Variants in EFCAB14 observed in about 807,000 individuals in gnomAD.
The protein encoded by EFCAB14 is EF-hand calcium binding domain 14.
EFCAB14 carries 43 observed loss-of-function variants against 56.5 expected under a neutral mutation model. That is an observed-to-expected ratio of 0.76 (90% CI 0.60 to 0.98). The LOEUF (loss-of-function observed/expected upper bound fraction) is 0.98. Ranked by LOEUF, EFCAB14 falls within the 50% of genes least tolerant of loss-of-function variation. EFCAB14 has a pLI of 0.00. For missense variants in EFCAB14, 538 were observed against 580.3 expected, an observed-to-expected ratio of 0.93 and a Z score of 0.75; for synonymous variants, 235 against 212.9, an observed-to-expected ratio of 1.10 and a Z score of -0.90.
intron 7 of EFCAB14, 112 bp from the exon 8 acceptor site, chr1:46,686,982 A>C: frequency 1.4e-4 from 133 of 945,754 alleles, no homozygotes; most frequent in East Asian, 2.9e-4. Flanking sequence ...AAAGGATCTC[A>C]GAACACTCTC....
chr1:46,698,830 G>A (rs985781924), intron 3 of EFCAB14, among the ~76,000 whole-genome samples: 6 of 152,186 alleles, frequency 3.9e-5, no homozygotes, highest in Admixed American at 2.0e-4. Flanking sequence ...TTTACTTGAG[G>A]TGTGATAGGC....
intron 10 of EFCAB14, among the ~76,000 whole-genome samples, chr1:46,680,263 T>C (rs1486201726): frequency 2.6e-5 from 4 of 152,216 alleles, no homozygotes; most frequent in African/African-American, 7.2e-5. Flanking sequence ...TGCACATGAA[T>C]GTTCATGGCA....
intron 3 of EFCAB14, among the ~76,000 whole-genome samples, chr1:46,703,879 C>G (rs1308184216): frequency 6.6e-6 from 1 of 152,156 alleles, no homozygotes; most frequent in Admixed American, 6.5e-5. Context: ...TTTGAGATTA[C>G]AAATAAATTT....
At position 46,715,343 on chromosome 1, in the gene EFCAB14, GCT is replaced by G. The variant is rs1190748617; in HGVS notation, c.334+950_334+951del. Among the ~76,000 whole-genome samples the G allele has an allele frequency of 3.0e-4, 46 of 152,252 alleles. 1 individual carries two copies. The highest frequency in any genetic ancestry group is 2.8e-3 in the Admixed American group (43 of 15,294). On this transcript the variant is annotated intron_variant, in intron 2 of 10. Transcript: ENST00000371933. ...GCAGCAAGGGGCAAGAGGACGCTCA[GCT>G]CTGTCATACTTAATCACTGAACAAA...
At chr1:46,711,817 T>C (rs1677312172) in intron 2 of EFCAB14, among the ~76,000 whole-genome samples, 1 of 152,214 alleles carries the variant, frequency 6.6e-6, no homozygotes, top group South Asian at 2.1e-4. Context: ...TCTTTCCAGT[T>C]TGCAATAAAC....
intron 2 of EFCAB14, among the ~76,000 whole-genome samples, chr1:46,709,136 A>G (rs1042498474): frequency 6.6e-6 from 1 of 152,204 alleles, no homozygotes; most frequent in East Asian, 1.9e-4. Context: ...CTACACTTAG[A>G]ACACTCCTGA....
At position 46,718,193 on chromosome 1, in the gene EFCAB14, T is replaced by A; in HGVS notation, c.-106A>T. 8.0e-7 allele frequency: 1 copy of A among 1,251,320 alleles called. No homozygotes were observed. Among genetic ancestry groups the A allele is most frequent in the Non-Finnish European group, 1.1e-6 (1 of 897,460 alleles). The allele number at this position is 1,251,320 out of a possible 1,614,324, so 77.5% of individuals were successfully genotyped here. A position where few individuals can be genotyped will look rare whatever the true frequency, so the allele number is the denominator to read the frequency against. ...AGCTGCCTTCCAGGGTTGGGAATCC[T>A]GGGCCAGAGCCCCCTGGTCACTCCC... On this transcript the variant is annotated 5_prime_UTR_variant, in exon 1 of 11. Coordinates refer to ENST00000371933, the MANE Select transcript of EFCAB14 (RefSeq NM_014774.3).
At chr1:46,704,363 T>C (rs1053845855) in intron 3 of EFCAB14, among the ~76,000 whole-genome samples, 1 of 150,876 alleles carries the variant, frequency 6.6e-6, no homozygotes, top group Non-Finnish European at 1.5e-5. Flanking sequence ...TAGTCCCAGC[T>C]ACTCCAGAGA....
In EFCAB14 at chr1:46,710,710, C is replaced by T. The variant is rs369039262; in HGVS notation, c.335-2659G>A. On this transcript the variant is annotated intron_variant, in intron 2 of 10. Coordinates refer to ENST00000371933, the MANE Select transcript of EFCAB14 (RefSeq NM_014774.3). ...CTGGGACTACAAGCTTGTGCCACCA[C>T]GCCCAGCTATTTTTAATTTTTTTAG... Among the ~76,000 whole-genome samples the T allele has an allele frequency of 5.9e-5, 9 of 152,118 alleles. No individual in the cohort carries two copies. The East Asian group carries it at 9.7e-4, about 16-fold the overall frequency.
chr1:46,684,796 T>C (rs566596539), intron 8 of EFCAB14, among the ~76,000 whole-genome samples, 194 bp from the exon 9 acceptor site: 1 of 152,288 alleles, frequency 6.6e-6, no homozygotes, highest in East Asian at 1.9e-4. Flanking sequence ...CTTGCTGGAT[T>C]TGAAACCATT....
intron 1 of EFCAB14, among the ~76,000 whole-genome samples, chr1:46,717,063 T>C (rs1324312858): frequency 2.1e-4 from 32 of 152,228 alleles, no homozygotes. Context: ...AGGTACCTTC[T>C]GATGAAGGTA....
chr1:46,675,301 A>C lies in EFCAB14; in HGVS notation c.*3160T>G, dbSNP rs571121774. ...AAAATTGCTTATACATTACCAAAAT[A>C]GCTTCACTAAAACAAAGTAGATTTA... is the stretch of plus-strand genomic sequence containing the variant. On this transcript the variant is annotated 3_prime_UTR_variant, in exon 11 of 11. Transcript: ENST00000371933. 7.2e-5 allele frequency: 11 copies of C among 152,780 alleles called. No homozygotes were observed. The highest frequency in any genetic ancestry group is 1.2e-4 in the Non-Finnish European group (8 of 68,034). The allele number at this position is 152,780 out of a possible 1,614,324, so 9.5% of individuals were successfully genotyped here.
At chr1:46,700,986 A>AGAGTGTGTGT (rs1553123125) in intron 3 of EFCAB14, among the ~76,000 whole-genome samples, 3 of 142,844 alleles carry the variant, frequency 2.1e-5, no homozygotes, top group East Asian at 4.1e-4. Flanking sequence ...AGAGTGAGTG[A>AGAGTGTGTGT]GTGTGTGTGT....
chr1:46,679,458 G>A (rs1433740925), intron 10 of EFCAB14, among the ~76,000 whole-genome samples: 4 of 151,690 alleles, frequency 2.6e-5, no homozygotes, highest in Non-Finnish European at 5.9e-5. Context: ...CCGCCACCAC[G>A]CCCAGCTAAT....
intron 7 of EFCAB14, among the ~76,000 whole-genome samples, chr1:46,688,117 G>C (rs1676917976): frequency 6.6e-6 from 1 of 152,098 alleles, no homozygotes; most frequent in Non-Finnish European, 1.5e-5. Context: ...TGAGGCCTTG[G>C]TAAGCGACTC....
rs1676884607 is a variant in EFCAB14 at position 46,686,529 on chromosome 1, C to G, written c.1074+255G>C. ...ATTTTCTGACTGACAGGACTTTGAG[C>G]TCCACCACAATAGGGGTCACATGTC... is the stretch of plus-strand genomic sequence containing the variant. On this transcript the variant is annotated intron_variant, in intron 8 of 10. Coordinates refer to ENST00000371933, the MANE Select transcript of EFCAB14 (RefSeq NM_014774.3). The G allele has an allele frequency of 1.5e-5, 7 of 475,644 alleles. No individual in the cohort carries two copies. In the South Asian group the frequency reaches 1.7e-4, roughly 11 times the overall value. 29.5% of individuals were successfully genotyped at this position (475,644 alleles called of 1,614,324 possible).
intron 3 of EFCAB14, among the ~76,000 whole-genome samples, chr1:46,700,481 AAGG>A (rs1261650274): frequency 1.3e-5 from 2 of 152,204 alleles, no homozygotes; most frequent in Non-Finnish European, 2.9e-5. Flanking sequence ...CAATTACATT[AAGG>A]AGGTTTTCAC....
At chr1:46,702,151 T>C (rs1245330948) in intron 3 of EFCAB14, among the ~76,000 whole-genome samples, 1 of 152,262 alleles carries the variant, frequency 6.6e-6, no homozygotes, top group Non-Finnish European at 1.5e-5. Flanking sequence ...ATGACTTTTA[T>C]GCATATTACA....
chr1:46,688,323 G>T, intron 7 of EFCAB14, 30 bp downstream of exon 7: 1 of 1,602,210 alleles, frequency 6.2e-7, no homozygotes, highest in Non-Finnish European at 8.5e-7. Flanking sequence ...AAAACACACT[G>T]CATGTCACAA....
Sources: gnomAD v4.1 joint callset for allele counts (sites outside exome capture counted in the v4.1 genomes callset) on GRCh38, gnomAD v4.1.1 for gene constraint, MANE v1.5 for transcripts, NCBI Gene and HGNC (gene_info 2026-07-23, HGNC 2026-07-21) for gene names.